Variants in GLT1D1 observed in about 807,000 individuals in gnomAD.
GLT1D1 encodes the protein glycosyltransferase 1 domain containing 1, also known as glycosyltransferase 1 domain-containing protein 1.
In GLT1D1, 21 loss-of-function variants were observed where a neutral mutation model predicts 28.7. The ratio of observed to expected loss-of-function variants is 0.73; its 90% CI spans 0.52 to 1.05. GLT1D1 has a LOEUF of 1.05. GLT1D1 is among the 50% of genes least tolerant of loss of function. The pLI is 0.00. For synonymous variants in GLT1D1, 147 were observed against 124.8 expected, an observed-to-expected ratio of 1.18 and a Z score of -1.19; for missense variants, 343 against 330.6, an observed-to-expected ratio of 1.04 and a Z score of -0.29.
intron 4 of GLT1D1, among the ~76,000 whole-genome samples, chr12:128,915,206 T>C (rs532115359): frequency 1.3e-4 from 20 of 152,196 alleles, no homozygotes; most frequent in Non-Finnish European, 2.6e-4. Flanking sequence ...TCTGATGCTG[T>C]TTTTAGCACC....
Position 128,983,413 on chromosome 12 carries a change from G to A in GLT1D1, c.*323G>A, listed in dbSNP as rs1302626789. Reference sequence around the variant, plus strand: ...ATTACCTGCCTTAGGGCTTTGGTGTGGACAATAGAGGCTTATTTTCAAGCA... The same window carrying A: ...ATTACCTGCCTTAGGGCTTTGGTGTAGACAATAGAGGCTTATTTTCAAGCA... On this transcript the variant is annotated 3_prime_UTR_variant, in exon 8 of 8. Coordinates refer to ENST00000281703, the MANE Select transcript of GLT1D1 (RefSeq NM_144669.3). The surrounding 1 kb of genome is among the most constrained non-coding windows in gnomAD (Gnocchi z 4.7). 1 of 246,658 alleles carries A rather than the reference G, an allele frequency of 4.1e-6. No homozygotes were observed. The highest frequency in any genetic ancestry group is 7.9e-6 in the Non-Finnish European group (1 of 126,664). 15.3% of individuals were successfully genotyped at this position (246,658 alleles called of 1,614,324 possible). A position where few individuals can be genotyped will look rare whatever the true frequency, so the allele number is the denominator to read the frequency against.
intron 6 of GLT1D1, 36 bp from the exon 11 acceptor site, chr12:128,957,509 A>T: frequency 7.0e-7 from 1 of 1,438,250 alleles, no homozygotes; most frequent in Non-Finnish European, 9.8e-7. Flanking sequence ...TCTTGAAATG[A>T]CTGCCTTCCA....
At chr12:128,855,259 A>C (rs559233267) in intron 1 of GLT1D1, among the ~76,000 whole-genome samples, 27 of 151,244 alleles carry the variant, frequency 1.8e-4, no homozygotes, top group South Asian at 1.3e-3. Context: ...ACAACAACAA[A>C]AAAAACAAAA....
chr12:128,974,320 C>T (rs1293823770), intron 7 of GLT1D1, among the ~76,000 whole-genome samples: 1 of 152,098 alleles, frequency 6.6e-6, no homozygotes, highest in Non-Finnish European at 1.5e-5. Context: ...GGCTCTTGCT[C>T]CCTCCTACCC....
chr12:128,901,004 C>T (rs1870195373), intron 4 of GLT1D1, among the ~76,000 whole-genome samples: 1 of 152,176 alleles, frequency 6.6e-6, no homozygotes, highest in Non-Finnish European at 1.5e-5. Context: ...AATGGGGTCC[C>T]TGGACCTCTG....
At chr12:128,881,589 TATATAA>T (rs1466585368) in intron 2 of GLT1D1, among the ~76,000 whole-genome samples, 3 of 110,602 alleles carry the variant, frequency 2.7e-5, no homozygotes, top group Non-Finnish European at 5.3e-5. Context: ...TATATATATA[TATATAA>T]AATTTATAGA....
At chr12:128,966,456 C>T (rs957463167) in intron 7 of GLT1D1, among the ~76,000 whole-genome samples, 2 of 152,250 alleles carry the variant, frequency 1.3e-5, no homozygotes, top group African/African-American at 4.8e-5. Flanking sequence ...CCTTCCCTAT[C>T]TTATTTCATT....
intron 2 of GLT1D1, among the ~76,000 whole-genome samples, chr12:128,881,020 C>G (rs1276726459): frequency 1.3e-5 from 2 of 148,784 alleles, no homozygotes; most frequent in South Asian, 4.3e-4. Context: ...GTCAGGAGAT[C>G]GAGACCATCT....
chr12:128,950,194 G>T (rs1876550918), intron 6 of GLT1D1, among the ~76,000 whole-genome samples: 1 of 152,240 alleles, frequency 6.6e-6, no homozygotes, highest in Non-Finnish European at 1.5e-5. Flanking sequence ...TGGAGCAGCT[G>T]CAGGGAGGTG....
Position 128,916,751 on chromosome 12 carries a change from T to A in GLT1D1, c.375+17464T>A, listed in dbSNP as rs114071736. ...TTCTAGGTACAAGCCTTTTGTCAGA[T>A]AAATATATTGTTAATATTTTCTCCC... On this transcript the variant is annotated intron_variant, in intron 4 of 7. Coordinates refer to ENST00000281703, the MANE Select transcript of GLT1D1 (RefSeq NM_144669.3). Among the ~76,000 whole-genome samples the A allele has an allele frequency of 5.5e-3, 835 of 152,352 alleles. 9 individuals are homozygous for A. The highest frequency in any genetic ancestry group is 0.019 in the African/African-American group (787 of 41,582).
chr12:128,983,111 C>CA lies in GLT1D1; in HGVS notation c.*21_*22insA. 6.2e-7 allele frequency: 1 copy of CA among 1,609,352 alleles called. No homozygotes were observed. Among genetic ancestry groups the CA allele is most frequent in the Non-Finnish European group, 8.5e-7 (1 of 1,176,944 alleles). On this transcript the variant is annotated 3_prime_UTR_variant, in exon 8 of 8. Coordinates refer to ENST00000281703, the MANE Select transcript of GLT1D1 (RefSeq NM_144669.3). The surrounding 1 kb of genome is among the most constrained non-coding windows in gnomAD (Gnocchi z 4.7). ...ATTGAGGGCCCCGCCTCATCAGACA[C>CA]CTGCTCTCTGACACACAGCTCTGGG...
chr12:128,874,120 C>T (rs866993285), intron 1 of GLT1D1, among the ~76,000 whole-genome samples: 603 of 52,612 alleles, frequency 0.011, 9 homozygotes, highest in African/African-American at 0.03. Flanking sequence ...CTCTCTCTCT[C>T]TCTCTCTTTC....
At chr12:128,875,818 CAACCA>C in intron 1 of GLT1D1, 91 bp from the exon 2 acceptor site, 1 of 1,154,672 alleles carries the variant, frequency 8.7e-7, no homozygotes, top group Non-Finnish European at 1.2e-6. Context: ...ACAACAACAA[CAACCA>C]AAAAAAAAAA....
intron 7 of GLT1D1, among the ~76,000 whole-genome samples, chr12:128,979,446 G>A (rs1000470362): frequency 2.0e-5 from 3 of 152,132 alleles, no homozygotes; most frequent in African/African-American, 7.2e-5. Context: ...TCTCTCGCTG[G>A]TTGTTGGCCA....
At chr12:128,908,250 C>A (rs2135874541) in intron 4 of GLT1D1, among the ~76,000 whole-genome samples, 1 of 152,232 alleles carries the variant, frequency 6.6e-6, no homozygotes, top group Middle Eastern at 3.4e-3. Flanking sequence ...CCATATTGGA[C>A]CTGACAGAAT....
rs34870104 is a variant in GLT1D1 at position 128,939,837 on chromosome 12, A to ACCCCCCCC, written c.376-5487_376-5480dup. ...GGGGGATGTTGCCAAATTGTTAGAAACCCCCCCCCACCGCCGATCCAATCA... is the reference window on the plus strand; with the variant it reads ...GGGGGATGTTGCCAAATTGTTAGAAACCCCCCCCCCCCCCCCCACCGCCGATCCAATCA... On this transcript the variant is annotated intron_variant, in intron 4 of 7. Transcript: ENST00000281703. Among the ~76,000 whole-genome samples the ACCCCCCCC allele has an allele frequency of 7.3e-4, 71 of 97,608 alleles. 3 individuals carry two copies. The highest frequency in any genetic ancestry group is 5.3e-3 in the Middle Eastern group (1 of 190). The allele number at this position is 97,608 out of a possible 152,430, so 64.0% of individuals were successfully genotyped here.
At chr12:128,936,076 T>C (rs1307226395) in intron 4 of GLT1D1, among the ~76,000 whole-genome samples, 2 of 152,100 alleles carry the variant, frequency 1.3e-5, no homozygotes, top group Non-Finnish European at 2.9e-5. Flanking sequence ...GCAGCGGGGA[T>C]TCGATGAGTG....
intron 7 of GLT1D1, among the ~76,000 whole-genome samples, chr12:128,972,127 C>A (rs1315217609): frequency 6.6e-6 from 1 of 152,062 alleles, no homozygotes; most frequent in Non-Finnish European, 1.5e-5. Flanking sequence ...GGGGCAAAGC[C>A]ATGAGACGAC....
chr12:128,961,491 A>G (rs1241737535), intron 7 of GLT1D1, among the ~76,000 whole-genome samples: 3 of 152,206 alleles, frequency 2.0e-5, no homozygotes, highest in Admixed American at 1.3e-4. Flanking sequence ...ATAAAAAAGA[A>G]GGAGTCATGT....
Sources: gnomAD v4.1 joint callset for allele counts (sites outside exome capture counted in the v4.1 genomes callset) on GRCh38, gnomAD v4.1.1 for gene constraint, Gnocchi (gnomAD v3.1) non-coding constraint, MANE v1.5 for transcripts, NCBI Gene and HGNC (gene_info 2026-07-23, HGNC 2026-07-21) for gene names.